The following CNTN5 variants were observed in gnomAD, a reference collection of about 807,000 sequenced individuals.
CNTN5 encodes the protein contactin-5.
Under a neutral mutation model 129.1 loss-of-function variants are expected in CNTN5, and 77 were observed. The observed-to-expected ratio is 0.60, with a 90% CI of 0.50 to 0.72. CNTN5 has a LOEUF of 0.72. Among genes scored for constraint, CNTN5 ranks in the 30% least tolerant of loss-of-function variants. The pLI is 0.00. For synonymous variants in CNTN5, 509 were observed against 465.6 expected (o/e 1.09, Z -1.20); for missense variants, 1,478 against 1,328.8 (o/e 1.11, Z -1.75).
chr11:99,060,024 G>A (rs1405327485), intron 1 of CNTN5, among the ~76,000 whole-genome samples: 5 of 151,914 alleles, frequency 3.3e-5, no homozygotes, highest in African/African-American at 7.2e-5. Flanking sequence ...TTGCTGATTT[G>A]AATATATTAA....
chr11:100,334,480 C>A (rs144109337), intron 21 of CNTN5, among the ~76,000 whole-genome samples: 1 of 152,102 alleles, frequency 6.6e-6, no homozygotes, highest in Non-Finnish European at 1.5e-5. Context: ...TACTTGCACA[C>A]ACGTTTATAG....
At position 99,646,915 on chromosome 11, in the gene CNTN5, C is replaced by A. The variant is rs541280942; in HGVS notation, c.55+90646C>A. Reference sequence around the variant, plus strand: ...TTTTTGCTACTGAGATGTTTGTGTTCCTTACATATTCTGGGTATTAATTCC... The same window carrying A: ...TTTTTGCTACTGAGATGTTTGTGTTACTTACATATTCTGGGTATTAATTCC... On this transcript the variant is annotated intron_variant, in intron 3 of 24. Coordinates refer to ENST00000524871, the MANE Select transcript of CNTN5 (RefSeq NM_014361.4). Among the ~76,000 whole-genome samples the A allele has an allele frequency of 2.0e-5, 3 of 151,196 alleles. No individual in the cohort carries two copies. The South Asian group carries it at 6.3e-4, about 32-fold the overall frequency.
intron 13 of CNTN5, among the ~76,000 whole-genome samples, chr11:100,185,549 A>T (rs1395388017): frequency 2.0e-5 from 3 of 152,156 alleles, no homozygotes; most frequent in Non-Finnish European, 4.4e-5. Flanking sequence ...ATGATTCCTA[A>T]CTTCACTTGT....
chr11:99,130,108 T>A (rs1226117537), intron 1 of CNTN5, among the ~76,000 whole-genome samples: 1 of 148,632 alleles, frequency 6.7e-6, no homozygotes, highest in Admixed American at 6.8e-5. Context: ...AATTCAAAGG[T>A]AACAATATTA....
chr11:99,548,738 G>T (rs1042757759), intron 2 of CNTN5, among the ~76,000 whole-genome samples: 6 of 152,086 alleles, frequency 3.9e-5, no homozygotes, highest in African/African-American at 1.4e-4. Flanking sequence ...ATGCGAGTCT[G>T]GTTTTCCTAC....
chr11:99,638,396 C>A (rs564468632), intron 3 of CNTN5, among the ~76,000 whole-genome samples: 1 of 152,244 alleles, frequency 6.6e-6, no homozygotes, highest in African/African-American at 2.4e-5. Flanking sequence ...CTGACCCCTC[C>A]AAACCTCATG....
intron 3 of CNTN5, among the ~76,000 whole-genome samples, chr11:99,679,782 C>T (rs374384380): frequency 9.2e-5 from 14 of 152,220 alleles, no homozygotes; most frequent in East Asian, 7.7e-4. Flanking sequence ...GCGGGCATGG[C>T]GAAAGCCAAG....
intron 2 of CNTN5, among the ~76,000 whole-genome samples, chr11:99,397,676 A>T (rs1565548641): frequency 6.6e-6 from 1 of 151,516 alleles, no homozygotes; most frequent in East Asian, 1.9e-4. Context: ...AAATACTCTC[A>T]TGTTTGTTTT....
intron 3 of CNTN5, among the ~76,000 whole-genome samples, chr11:99,710,031 C>T (rs1415905181): frequency 6.6e-6 from 1 of 151,784 alleles, no homozygotes; most frequent in Non-Finnish European, 1.5e-5. Flanking sequence ...TGTTTCCTGC[C>T]ATATTCTGCT....
In CNTN5 at chr11:100,285,915, G is replaced by A. The variant is rs186331818; in HGVS notation, c.2315-11710G>A. Among the ~76,000 whole-genome samples the A allele has an allele frequency of 9.6e-3, 1,459 of 152,330 alleles. 26 individuals carry two copies. Among genetic ancestry groups the A allele is most frequent in the African/African-American group, 0.032 (1,349 of 41,586 alleles). On this transcript the variant is annotated intron_variant, in intron 18 of 24. Transcript: ENST00000524871. ...TGGGTGCGCGCACCGTGCGCGAGCC[G>A]AAGCAGGGCGAGGCGTTGCCTCACT...
At chr11:100,058,619 C>T (rs1943336714) in intron 9 of CNTN5, among the ~76,000 whole-genome samples, 1 of 152,046 alleles carries the variant, frequency 6.6e-6, no homozygotes, top group South Asian at 2.1e-4. Flanking sequence ...GCAAAAATTG[C>T]CAACTCCTTC....
intron 2 of CNTN5, among the ~76,000 whole-genome samples, chr11:99,398,821 G>A (rs1017508613): frequency 1.3e-4 from 19 of 151,840 alleles, no homozygotes; most frequent in African/African-American, 4.1e-4. Context: ...ACAGCTGTGG[G>A]CAGCTATGTG....
At chr11:100,085,582 C>A (rs1463984350) in intron 13 of CNTN5, among the ~76,000 whole-genome samples, 1 of 151,950 alleles carries the variant, frequency 6.6e-6, no homozygotes, top group African/African-American at 2.4e-5. Context: ...AATATAGACA[C>A]CTATAAAATA....
intron 2 of CNTN5, among the ~76,000 whole-genome samples, chr11:99,336,046 A>G (rs1183863282): frequency 6.6e-6 from 1 of 152,138 alleles, no homozygotes; most frequent in Non-Finnish European, 1.5e-5. Flanking sequence ...ATAAAAAAAA[A>G]AACTTTTTGT....
At chr11:100,269,316 G>A (rs1277689607) in intron 17 of CNTN5, among the ~76,000 whole-genome samples, 2 of 152,110 alleles carry the variant, frequency 1.3e-5, no homozygotes, top group Non-Finnish European at 2.9e-5. Flanking sequence ...GAATAGCATG[G>A]GTTCAAAAGA....
chr11:99,151,923 G>T (rs146034620), intron 1 of CNTN5, among the ~76,000 whole-genome samples: 74 of 152,246 alleles, frequency 4.9e-4, no homozygotes, highest in African/African-American at 1.8e-3. Context: ...TAATGTAGAT[G>T]ACGGGTTGAT....
chr11:99,103,774 A>G lies in CNTN5; in HGVS notation c.-210+82504A>G, dbSNP rs191377780. On this transcript the variant is annotated intron_variant, in intron 1 of 24. Coordinates refer to ENST00000524871, the MANE Select transcript of CNTN5 (RefSeq NM_014361.4). ...ATGATAGGTGTCCTTCAAAAAAAAA[A>G]AAAAGATGTAGATAGAGAAAGAGAC... Among the ~76,000 whole-genome samples, 417 of 152,174 alleles carry G rather than the reference A, an allele frequency of 2.7e-3. 5 individuals carry two copies. The highest frequency in any genetic ancestry group is 9.6e-3 in the African/African-American group (400 of 41,542).
chr11:99,794,270 T>G lies in CNTN5; in HGVS notation c.56-25274T>G, dbSNP rs143892889. On this transcript the variant is annotated intron_variant, in intron 3 of 24. Transcript: ENST00000524871. ...ATTGCTTTTTTTTCTGTTTTCCATT[T>G]TCTTGGTAGATTTTCCTCCATCCCT... Among the ~76,000 whole-genome samples, 520 of 152,232 alleles carry G rather than the reference T, an allele frequency of 3.4e-3. 6 individuals are homozygous for G. The highest frequency in any genetic ancestry group is 0.012 in the African/African-American group (505 of 41,520).
chr11:99,036,148 C>T (rs184501862), intron 1 of CNTN5, among the ~76,000 whole-genome samples: 151 of 152,126 alleles, frequency 9.9e-4, no homozygotes, highest in African/African-American at 3.5e-3. Context: ...TATTTTTTCA[C>T]GTTGCGTATC....
Sources: allele counts gnomAD v4.1 joint callset (sites outside exome capture counted in the v4.1 genomes callset), GRCh38; gene constraint gnomAD v4.1.1; transcripts MANE v1.5; gene names NCBI Gene and HGNC (gene_info 2026-07-23, HGNC 2026-07-21).